The following SGCD variants were observed in gnomAD, a reference collection of about 807,000 sequenced individuals.
SGCD encodes the protein delta-sarcoglycan.
Under a neutral mutation model 36.6 loss-of-function variants are expected in SGCD, and 18 were observed. The observed-to-expected ratio is 0.49, with a 90% confidence interval of 0.34 to 0.73. The LOEUF is 0.73. Ranked by LOEUF, SGCD falls within the 30% of genes least tolerant of loss-of-function variation. The pLI, the probability that SGCD is intolerant of heterozygous loss-of-function variation, is 0.01. For missense variants in SGCD, 387 were observed against 346.7 expected (o/e 1.12, Z -0.92); for synonymous variants, 133 against 130.6 (o/e 1.02, Z -0.12).
the SGCD span, among the ~76,000 whole-genome samples, chr5:155,809,863 G>C: frequency 1.3e-5 from 2 of 152,284 alleles, no homozygotes; most frequent in African/African-American, 4.8e-5. Flanking sequence ...AATGAAGACA[G>C]CTCTATAATC....
intron 7 of SGCD, among the ~76,000 whole-genome samples, chr5:156,677,421 A>G (rs1753556584): frequency 6.6e-6 from 1 of 151,990 alleles, no homozygotes. Flanking sequence ...AAGGACAGAA[A>G]ACCAAACTAT....
chr5:155,746,111 C>A, the SGCD span, among the ~76,000 whole-genome samples: 1 of 152,030 alleles, frequency 6.6e-6, no homozygotes, highest in Non-Finnish European at 1.5e-5. Flanking sequence ...AGTGAATCAG[C>A]AAGTTGTAGA....
chr5:155,868,873 C>T (rs2113269941), upstream of SGCD, among the ~76,000 whole-genome samples: 1 of 152,268 alleles, frequency 6.6e-6, no homozygotes, highest in Non-Finnish European at 1.5e-5. Flanking sequence ...GAAGCAACTT[C>T]AGCTTTAAGT....
intron 4 of SGCD, among the ~76,000 whole-genome samples, chr5:156,519,271 A>C (rs1446724356): frequency 1.3e-5 from 2 of 152,162 alleles, no homozygotes; most frequent in Admixed American, 1.3e-4. Context: ...CACCCTTCCC[A>C]GACTGAATGA....
At chr5:156,576,807 T>C (rs1418309126) in intron 4 of SGCD, among the ~76,000 whole-genome samples, 1 of 152,202 alleles carries the variant, frequency 6.6e-6, no homozygotes, top group Non-Finnish European at 1.5e-5. Flanking sequence ...TTGTACATTC[T>C]GGATATTAGC....
intron 3 of SGCD, among the ~76,000 whole-genome samples, chr5:156,186,515 A>C (rs1405446063): frequency 2.0e-5 from 3 of 152,178 alleles, no homozygotes; most frequent in African/African-American, 7.2e-5. Flanking sequence ...TGGCACTCCT[A>C]AGACTTTATC....
At chr5:156,603,478 C>A (rs1761284006) in intron 6 of SGCD, among the ~76,000 whole-genome samples, 2 of 151,980 alleles carry the variant, frequency 1.3e-5, no homozygotes, top group Admixed American at 1.3e-4. Context: ...TTTGTTCTTA[C>A]ATTTCTAGTT....
At chr5:156,631,742 A>G (rs903557417) in intron 6 of SGCD, among the ~76,000 whole-genome samples, 6 of 152,048 alleles carry the variant, frequency 3.9e-5, no homozygotes, top group Non-Finnish European at 8.8e-5. Flanking sequence ...AAAATTGACT[A>G]GCTTCTGCTA....
chr5:156,475,086 A>G (rs1755122948), intron 3 of SGCD, among the ~76,000 whole-genome samples: 1 of 152,230 alleles, frequency 6.6e-6, no homozygotes, highest in Admixed American at 6.5e-5. Flanking sequence ...AAAATATGCC[A>G]GGCTCCACCA....
chr5:156,009,537 G>A lies in SGCD; in HGVS notation c.-281-108341G>A, dbSNP rs1044644245. On this transcript the variant is annotated intron_variant, in intron 1 of 9. Coordinates refer to the SGCD transcript ENST00000517913. ...CTTTGGATCATGCTCCCAAGGCTCG[G>A]TCCACATATTCCCTGCTGCCAGATG... Among the ~76,000 whole-genome samples the A allele has an allele frequency of 2.6e-5, 4 of 152,264 alleles. No individual in the cohort carries two copies. The East Asian group carries it at 7.7e-4, about 29-fold the overall frequency.
intron 3 of SGCD, among the ~76,000 whole-genome samples, chr5:156,463,681 C>G (rs1754596169): frequency 6.6e-6 from 1 of 152,102 alleles, no homozygotes; most frequent in Admixed American, 6.6e-5. Context: ...TTACTTCACT[C>G]CAGATGGGTG....
upstream of SGCD, among the ~76,000 whole-genome samples, chr5:156,323,529 T>C (rs1767727385): frequency 6.6e-6 from 1 of 151,604 alleles, no homozygotes; most frequent in Non-Finnish European, 1.5e-5. Context: ...GTCTACTATA[T>C]ACCCATCCTA....
rs140710675 is a variant in SGCD, at chr5:155,961,579, C to T, written c.-282+91155C>T. On this transcript the variant is annotated intron_variant, in intron 1 of 9. Coordinates refer to the SGCD transcript ENST00000517913. ...CTGAAGACTAGTGAAGATTAAAAAT[C>T]CAATTAGCCATGCTGTGTGTTGCCG... 2.1e-3 allele frequency among the ~76,000 whole-genome samples: 316 copies of T among 152,172 alleles called. 2 individuals carry two copies. The highest frequency in any genetic ancestry group is 5.6e-3 in the Admixed American group (85 of 15,272).
chr5:156,144,849 G>A (rs1762673520), intron 3 of SGCD, among the ~76,000 whole-genome samples: 1 of 152,148 alleles, frequency 6.6e-6, no homozygotes, highest in South Asian at 2.1e-4. Flanking sequence ...TATCTTGGAA[G>A]TATCTAGTTT....
chr5:156,244,283 G>C (rs554614361), intron 3 of SGCD, among the ~76,000 whole-genome samples: 13 of 152,280 alleles, frequency 8.5e-5, no homozygotes, highest in Middle Eastern at 3.4e-3. Context: ...GAGGAACCGT[G>C]TCCAGTTGAA....
intron 3 of SGCD, among the ~76,000 whole-genome samples, chr5:156,432,684 A>G (rs540565151): frequency 5.3e-5 from 8 of 152,152 alleles, no homozygotes; most frequent in African/African-American, 1.2e-4. Flanking sequence ...TGCTGGGGTA[A>G]TGTTCCACAG....
chr5:156,584,012 A>G (rs921448804), intron 4 of SGCD, among the ~76,000 whole-genome samples: 1 of 152,222 alleles, frequency 6.6e-6, no homozygotes, highest in Non-Finnish European at 1.5e-5. Flanking sequence ...TAGGAAAGGA[A>G]AGGATTTCTT....
intron 3 of SGCD, among the ~76,000 whole-genome samples, chr5:156,362,422 C>T (rs148532213): frequency 0.034 from 5,204 of 152,246 alleles, 232 homozygotes; most frequent in African/African-American, 0.097. Context: ...CCCAGGCGGG[C>T]GGATCATGAG....
In SGCD at chr5:156,344,547, A is replaced by C. The variant is rs1041584098; in HGVS notation, c.62A>C (p.Gln21Pro). Reference sequence around the variant, plus strand: ...ACCATGCCTGGCTCTGTGGGGCCACAGGTATACAAGGTGGGGATTTATGGC... The same window carrying C: ...ACCATGCCTGGCTCTGTGGGGCCACCGGTATACAAGGTGGGGATTTATGGC... ...RSTMPGSVGPQVYKVGIYGWR... is the reference protein window; with the variant it reads ...RSTMPGSVGPPVYKVGIYGWR... Residue 21 changes from glutamine to proline, a missense_variant, in exon 3 of 9, where the codon CAG (glutamine) becomes CCG (proline). Transcript: ENST00000337851. 3 of 1,610,892 alleles carry C rather than the reference A, an allele frequency of 1.9e-6. No individual in the cohort carries two copies. The African/African-American group carries it at 4.0e-5, about 22-fold the overall frequency.
Sources: gnomAD v4.1 joint callset for allele counts (sites outside exome capture counted in the v4.1 genomes callset) on GRCh38, gnomAD v4.1.1 for gene constraint, MANE v1.5 for transcripts, NCBI Gene and HGNC (gene_info 2026-07-23, HGNC 2026-07-21) for gene names.